Variants in STXBP5L observed in about 807,000 individuals in gnomAD.
The protein encoded by STXBP5L is syntaxin binding protein 5L, also known as syntaxin-binding protein 5-like.
A neutral mutation model predicts 144.5 loss-of-function variants in STXBP5L; 65 were observed. The observed-to-expected ratio is 0.45, with a 90% CI of 0.37 to 0.55. The LOEUF is 0.55. STXBP5L is among the 20% of genes least tolerant of loss of function. The pLI, the probability that STXBP5L is intolerant of heterozygous loss-of-function variation, is 0.00. For missense variants in STXBP5L, 1,298 were observed against 1,405.5 expected, an observed-to-expected ratio of 0.92 and a Z score of 1.22; for synonymous variants, 505 against 469.6, an observed-to-expected ratio of 1.08 and a Z score of -0.97.
intron 5 of STXBP5L, among the ~76,000 whole-genome samples, chr3:121,059,621 T>C (rs1046460612): frequency 1.3e-5 from 2 of 152,216 alleles, no homozygotes; most frequent in Non-Finnish European, 2.9e-5. Context: ...GGAATGTTTT[T>C]CCGTTTGTTT....
intron 2 of STXBP5L, among the ~76,000 whole-genome samples, chr3:120,920,472 TAAA>T (rs1281811301): frequency 2.4e-4 from 37 of 151,886 alleles, no homozygotes; most frequent in African/African-American, 8.9e-4. Flanking sequence ...TACGTCACCT[TAAA>T]TATTTGTCTT....
At chr3:121,295,387 T>G (rs1054381333) in intron 19 of STXBP5L, among the ~76,000 whole-genome samples, 1 of 152,136 alleles carries the variant, frequency 6.6e-6, no homozygotes, top group Admixed American at 6.6e-5. Flanking sequence ...AACAAGTGAT[T>G]GTTATATCTG....
intron 3 of STXBP5L, among the ~76,000 whole-genome samples, chr3:121,004,875 C>A (rs576786078): frequency 3.9e-5 from 6 of 152,270 alleles, no homozygotes; most frequent in Non-Finnish European, 7.4e-5. Flanking sequence ...ATATGTTGAA[C>A]CAGCCTTGCA....
chr3:121,154,104 G>A (rs944089336), intron 8 of STXBP5L, among the ~76,000 whole-genome samples: 4 of 151,752 alleles, frequency 2.6e-5, no homozygotes, highest in African/African-American at 9.7e-5. Context: ...TAAAAAGAGA[G>A]TAAAATTTCA....
At chr3:121,413,729 A>T (rs911028918) in intron 24 of STXBP5L, among the ~76,000 whole-genome samples, 1 of 152,184 alleles carries the variant, frequency 6.6e-6, no homozygotes, top group Non-Finnish European at 1.5e-5. Flanking sequence ...ATAAACATAT[A>T]TCCTGTGGGT....
rs569922281 is a variant in STXBP5L at position 120,978,993 on chromosome 3, G to C, written c.287+23956G>C. Among the ~76,000 whole-genome samples the C allele has an allele frequency of 5.9e-5, 9 of 152,270 alleles. No individual in the cohort carries two copies. In the South Asian group the frequency reaches 1.9e-3, roughly 32 times the overall value. On this transcript the variant is annotated intron_variant, in intron 3 of 26. Coordinates refer to ENST00000471454, the MANE Select transcript of STXBP5L (RefSeq NM_001308330.2). The stretch of plus-strand genomic sequence containing the variant: ...CCCAGTTATGCTGCTTGGGGGTCAG[G>C]GGTCAGGGACCCACTTGAGGAGGCA...
chr3:121,211,454 C>T (rs1438854198), intron 10 of STXBP5L, among the ~76,000 whole-genome samples: 1 of 152,138 alleles, frequency 6.6e-6, no homozygotes, highest in African/African-American at 2.4e-5. Context: ...GTCAGAACCT[C>T]CAACACTATG....
At chr3:121,346,896 G>C (rs1358280933) in intron 20 of STXBP5L, among the ~76,000 whole-genome samples, 1 of 152,116 alleles carries the variant, frequency 6.6e-6, no homozygotes, top group Non-Finnish European at 1.5e-5. Context: ...CTCCCATTCT[G>C]TACATTGCCT....
intron 20 of STXBP5L, among the ~76,000 whole-genome samples, chr3:121,355,976 G>C (rs1316217847): frequency 1.3e-5 from 2 of 152,182 alleles, no homozygotes; most frequent in Non-Finnish European, 2.9e-5. Flanking sequence ...GAGTTTGCTG[G>C]AGGCCCACTC....
intron 5 of STXBP5L, among the ~76,000 whole-genome samples, chr3:121,060,470 G>A (rs566355117): frequency 6.6e-6 from 1 of 151,988 alleles, no homozygotes; most frequent in Admixed American, 6.6e-5. Flanking sequence ...TTGGTGTCAG[G>A]ATGAAGCTGG....
At chr3:121,030,970 GC>G (rs1946327388) in intron 3 of STXBP5L, among the ~76,000 whole-genome samples, 1 of 152,046 alleles carries the variant, frequency 6.6e-6, no homozygotes, top group Non-Finnish European at 1.5e-5. Context: ...GAGCAACATC[GC>G]AAACCATGCT....
chr3:121,306,787 A>G (rs2043350863), intron 19 of STXBP5L, among the ~76,000 whole-genome samples: 1 of 152,200 alleles, frequency 6.6e-6, no homozygotes, highest in African/African-American at 2.4e-5. Context: ...AACCTCAAAG[A>G]CTAGCCTGAA....
At chr3:121,165,344 A>T (rs1011358397) in intron 9 of STXBP5L, among the ~76,000 whole-genome samples, 3 of 152,114 alleles carry the variant, frequency 2.0e-5, no homozygotes, top group African/African-American at 7.2e-5. Flanking sequence ...CCGCATTGGG[A>T]ACTATTTTCC....
In STXBP5L at chr3:120,911,771, C is replaced by A. The variant is rs552323597; in HGVS notation, c.189+2004C>A. The stretch of plus-strand genomic sequence containing the variant: ...TTACTAAATGTGGAAAATACTGTAA[C>A]ATCTTTGGATAGGAATATAGTTAAT... On this transcript the variant is annotated intron_variant, in intron 2 of 26. Transcript: ENST00000471454. 3.3e-5 allele frequency among the ~76,000 whole-genome samples: 5 copies of A among 152,080 alleles called. No individual in the cohort carries two copies. The South Asian group carries it at 1.0e-3, about 32-fold the overall frequency.
intron 22 of STXBP5L, among the ~76,000 whole-genome samples, chr3:121,390,879 G>A (rs973767293): frequency 1.3e-5 from 2 of 151,880 alleles, no homozygotes; most frequent in Admixed American, 6.6e-5. Context: ...TGCTCTTCTC[G>A]AGGAGTATCT....
chr3:121,249,665 G>A, intron 14 of STXBP5L, among the ~76,000 whole-genome samples: 1 of 152,018 alleles, frequency 6.6e-6, no homozygotes, highest in East Asian at 1.9e-4. Context: ...CTTTTAGTCT[G>A]TATGCCTTTT....
chr3:121,392,710 G>A (rs1055476365), intron 22 of STXBP5L, among the ~76,000 whole-genome samples: 8 of 149,626 alleles, frequency 5.3e-5, no homozygotes, highest in South Asian at 2.1e-4. Context: ...AATAAGCCCA[G>A]TGTGTAGTCA....
chr3:121,257,123 G>A (rs747023321), intron 16 of STXBP5L, 38 bp from the exon 17 acceptor site: 1 of 1,449,688 alleles, frequency 6.9e-7, no homozygotes, highest in African/African-American at 1.4e-5. Flanking sequence ...ATGATTATTA[G>A]TGTGACTTAA....
In STXBP5L at chr3:121,214,172, AT is replaced by A. The variant is rs1045303487; in HGVS notation, c.956+8179del. Among the ~76,000 whole-genome samples the A allele has an allele frequency of 6.6e-5, 10 of 151,840 alleles. No homozygotes were observed. The East Asian group carries it at 9.7e-4, about 15-fold the overall frequency. ...CAAAAACCCGCACCTGGATTCATTG[AT>A]TTTTTTTGAAGGGTTTTTCATGTCT... On this transcript the variant is annotated intron_variant, in intron 10 of 26. Transcript: ENST00000471454.
Sources: gnomAD v4.1 joint callset for allele counts (sites outside exome capture counted in the v4.1 genomes callset) on GRCh38, gnomAD v4.1.1 for gene constraint, MANE v1.5 for transcripts, NCBI Gene and HGNC (gene_info 2026-07-23, HGNC 2026-07-21) for gene names.